Variants in MON2 observed in about 807,000 individuals in gnomAD.
The protein encoded by MON2 is MON2 regulator of endosome-to-Golgi trafficking.
MON2 carries 84 observed loss-of-function variants against 208.6 expected under a neutral mutation model. That is an observed-to-expected ratio of 0.40 (90% CI 0.34 to 0.48). MON2 has a LOEUF of 0.48. Ranked by LOEUF, MON2 falls within the 20% of genes least tolerant of loss-of-function variation. The probability of loss-of-function intolerance (pLI) is 0.59; values close to 1 mark genes in which losing one functional copy is unlikely to be tolerated. For synonymous variants in MON2, 660 were observed against 694.0 expected (o/e 0.95, Z 0.77); for missense variants, 1,611 against 2,015.4 (o/e 0.80, Z 3.84).
intron 29 of MON2, among the ~76,000 whole-genome samples, chr12:62,570,912 A>G (rs985810902): frequency 6.6e-6 from 1 of 150,980 alleles, no homozygotes; most frequent in African/African-American, 2.4e-5. Context: ...TTGTATTTTT[A>G]GTAGAGATGA....
chr12:62,494,862 A>G (rs7132765), intron 3 of MON2, among the ~76,000 whole-genome samples, 154 bp from the exon 4 acceptor site: 102,376 of 152,044 alleles, frequency 0.67, 34,725 homozygotes, highest in African/African-American at 0.77. Flanking sequence ...TACTTGAGAG[A>G]TGTGTTTGGA....
In MON2 at chr12:62,557,943, TATATATATATATA is replaced by T. The variant is rs1565683351; in HGVS notation, c.3409+1752_3409+1764del. 4.9e-3 allele frequency among the ~76,000 whole-genome samples: 186 copies of T among 38,052 alleles called. 4 individuals are homozygous for T. Among genetic ancestry groups the T allele is most frequent in the African/African-American group, 6.6e-3 (52 of 7,832 alleles). 25.0% of individuals were successfully genotyped at this position (38,052 alleles called of 152,430 possible). Reference sequence around the variant, plus strand: ...ACGAATAGATTTATATATATATATATATATATATATATATATATATTTTTTTTTTTTTTTTTTT... The same window carrying T: ...ACGAATAGATTTATATATATATATATTATATATTTTTTTTTTTTTTTTTTT... On this transcript the variant is annotated intron_variant, in intron 25 of 34. Coordinates refer to ENST00000393630, the MANE Select transcript of MON2 (RefSeq NM_015026.3).
intron 2 of MON2, among the ~76,000 whole-genome samples, chr12:62,489,075 T>G (rs955358715): frequency 2.6e-5 from 4 of 152,158 alleles, no homozygotes; most frequent in Admixed American, 2.6e-4. Flanking sequence ...TTTAACAATT[T>G]CCTTATGTTA....
intron 12 of MON2, among the ~76,000 whole-genome samples, chr12:62,533,616 A>G (rs574462814): frequency 1.1e-4 from 17 of 152,288 alleles, no homozygotes; most frequent in African/African-American, 4.1e-4. Flanking sequence ...ATAGAACAAG[A>G]TGTTCCAGGC....
intron 7 of MON2, among the ~76,000 whole-genome samples, chr12:62,506,218 T>A (rs1334876839): frequency 1.3e-5 from 2 of 152,194 alleles, no homozygotes; most frequent in Non-Finnish European, 2.9e-5. Context: ...ATAAACTAAC[T>A]GTAGATGTGA....
intron 12 of MON2, among the ~76,000 whole-genome samples, chr12:62,533,231 A>T (rs187505018): frequency 6.6e-6 from 1 of 152,176 alleles, no homozygotes; most frequent in Admixed American, 6.5e-5. Context: ...GTATCATTAC[A>T]TTAGGAAGCA....
chr12:62,570,084 A>G (rs1290668551), intron 29 of MON2, among the ~76,000 whole-genome samples: 1 of 152,170 alleles, frequency 6.6e-6, no homozygotes, highest in Non-Finnish European at 1.5e-5. Flanking sequence ...GTTTTGGTTA[A>G]TCTAGTGTTC....
intron 19 of MON2, among the ~76,000 whole-genome samples, chr12:62,539,274 T>C (rs982341816): frequency 6.8e-6 from 1 of 148,072 alleles, no homozygotes; most frequent in Non-Finnish European, 1.5e-5. Flanking sequence ...TGCCTAGTCT[T>C]TTTTTTTTTT....
chr12:62,579,124 G>A (rs2074903954), intron 31 of MON2, among the ~76,000 whole-genome samples: 1 of 151,460 alleles, frequency 6.6e-6, no homozygotes, highest in Non-Finnish European at 1.5e-5. Context: ...CACACCTGTA[G>A]TCCTAGTTTC....
intron 2 of MON2, among the ~76,000 whole-genome samples, chr12:62,485,376 T>C (rs1318819314): frequency 6.6e-6 from 1 of 152,234 alleles, no homozygotes; most frequent in Non-Finnish European, 1.5e-5. Context: ...AATCTGTAAC[T>C]GGTGGGATTT....
intron 8 of MON2, among the ~76,000 whole-genome samples, chr12:62,515,399 T>C (rs78662428): frequency 0.12 from 17,985 of 152,206 alleles, 1,159 homozygotes; most frequent in African/African-American, 0.14. Flanking sequence ...ATTCCACTTA[T>C]GCGTGGTACC....
chr12:62,531,192 G>A (rs1222185116), intron 11 of MON2, among the ~76,000 whole-genome samples: 6 of 152,020 alleles, frequency 3.9e-5, no homozygotes, highest in African/African-American at 1.4e-4. Flanking sequence ...CTTGATTGCT[G>A]CTTTTTGAAG....
chr12:62,558,352 G>T (rs1480966716), intron 25 of MON2, among the ~76,000 whole-genome samples: 3 of 151,994 alleles, frequency 2.0e-5, no homozygotes, highest in African/African-American at 7.2e-5. Context: ...TTTAAGAAAT[G>T]ATATTTGTTA....
In MON2 at chr12:62,595,293, C is replaced by G. The variant is rs1565727419; in HGVS notation, c.*2544C>G. On this transcript the variant is annotated 3_prime_UTR_variant, in exon 35 of 35. Transcript: ENST00000393630. ...CAAGTAGCTGGGATTACAGACATGC[C>G]ACCATGCCAGGCTAATTTTTTTAAT... 1 of 152,112 alleles carries G rather than the reference C, an allele frequency of 6.6e-6. No homozygotes were observed. Among genetic ancestry groups the G allele is most frequent in the Non-Finnish European group, 1.5e-5 (1 of 68,036 alleles). The allele number at this position is 152,112 out of a possible 1,614,324, so 9.4% of individuals were successfully genotyped here.
chr12:62,484,099 T>C, intron 1 of MON2, 71 bp from the exon 2 acceptor site: 1 of 1,107,700 alleles, frequency 9.0e-7, no homozygotes, highest in Non-Finnish European at 1.3e-6. Flanking sequence ...GTCTATCACA[T>C]ATGACTTATT....
intron 3 of MON2, among the ~76,000 whole-genome samples, 192 bp downstream of exon 3, chr12:62,494,234 G>A (rs1314309324): frequency 2.0e-5 from 3 of 152,092 alleles, no homozygotes; most frequent in African/African-American, 7.2e-5. Context: ...ATTTTTGCAA[G>A]TCATTTGTAA....
At chr12:62,516,595 T>A (rs775217978) in intron 8 of MON2, among the ~76,000 whole-genome samples, 1 of 152,028 alleles carries the variant, frequency 6.6e-6, no homozygotes, top group Non-Finnish European at 1.5e-5. Flanking sequence ...TCCCAGCTAC[T>A]CGGGAGGCTG....
At chr12:62,561,933 A>G (rs2136352714) in intron 26 of MON2, among the ~76,000 whole-genome samples, 1 of 152,300 alleles carries the variant, frequency 6.6e-6, no homozygotes, top group South Asian at 2.1e-4. Context: ...AAGAATTTCT[A>G]CTGTATGATG....
chr12:62,542,194 G>A (rs2073272400), intron 19 of MON2, among the ~76,000 whole-genome samples: 2 of 152,104 alleles, frequency 1.3e-5, no homozygotes, highest in South Asian at 2.1e-4. Context: ...GACCATATTT[G>A]TCTTAAAACC....
Sources: allele counts gnomAD v4.1 joint callset (sites outside exome capture counted in the v4.1 genomes callset), GRCh38; gene constraint gnomAD v4.1.1; transcripts MANE v1.5; gene names NCBI Gene and HGNC (gene_info 2026-07-23, HGNC 2026-07-21).